The following HSPA4 variants were observed in gnomAD, a reference collection of about 807,000 sequenced individuals.
HSPA4 encodes the protein heat shock protein family A (Hsp70) member 4.
In HSPA4, 25 loss-of-function variants were observed where a neutral mutation model predicts 106.2. The ratio of observed to expected loss-of-function variants is 0.24; its 90% CI spans 0.17 to 0.33. The LOEUF (loss-of-function observed/expected upper bound fraction) is 0.33. Among genes scored for constraint, HSPA4 ranks in the 10% least tolerant of loss-of-function variants. The pLI, the probability that HSPA4 is intolerant of heterozygous loss-of-function variation, is 1.00. For missense variants in HSPA4, 841 were observed against 996.0 expected, an observed-to-expected ratio of 0.84 and a Z score of 2.10; for synonymous variants, 332 against 333.6, an observed-to-expected ratio of 1.00 and a Z score of 0.05.
At chr5:133,069,125 A>T (rs1581468331) in intron 3 of HSPA4, among the ~76,000 whole-genome samples, 2 of 152,228 alleles carry the variant, frequency 1.3e-5, no homozygotes, top group African/African-American at 4.8e-5. Context: ...ATGGGCATGT[A>T]GGATGGGTTG....
At chr5:133,099,478 A>G (rs1581482242) in intron 15 of HSPA4, 67 bp from the exon 16 acceptor site, 3 of 773,068 alleles carry the variant, frequency 3.9e-6, no homozygotes, top group South Asian at 1.7e-5. Context: ...ATTATATTCT[A>G]TGCCTCTGAC....
At chr5:133,089,723 G>GAAAAAAAAAAAAAAAA (rs61130801) in intron 11 of HSPA4, 28 bp downstream of exon 11, 1 of 1,029,622 alleles carries the variant, frequency 9.7e-7, no homozygotes, top group Non-Finnish European at 1.3e-6. Context: ...AATTAAAAAA[G>GAAAAAAAAAAAAAAAA]AAAAAAAAAA....
At chr5:133,100,603 G>A (rs1388404615) in intron 16 of HSPA4, among the ~76,000 whole-genome samples, 1 of 152,084 alleles carries the variant, frequency 6.6e-6, no homozygotes, top group South Asian at 2.1e-4. Flanking sequence ...TCGAGACCAA[G>A]GTGAAACCCT....
Position 133,104,567 on chromosome 5 carries a change from G to C in HSPA4, c.*131G>C. The C allele has an allele frequency of 2.7e-6, 2 of 739,556 alleles. No homozygotes were observed. The highest frequency in any genetic ancestry group is 4.5e-6 in the Non-Finnish European group (2 of 448,600). The allele number at this position is 739,556 out of a possible 1,614,324, so 45.8% of individuals were successfully genotyped here. A position where few individuals can be genotyped will look rare whatever the true frequency, so the allele number is the denominator to read the frequency against. ...GTTTTTAGGGGATTTTCGGGGAGGG[G>C]AAATAGGTAATGTATGGAGCATTTT... On this transcript the variant is annotated 3_prime_UTR_variant, in exon 19 of 19. Transcript: ENST00000304858.
chr5:133,098,853 A>AGTAGAGACG (rs1157687342), intron 15 of HSPA4, among the ~76,000 whole-genome samples: 1 of 150,030 alleles, frequency 6.7e-6, no homozygotes, highest in Non-Finnish European at 1.5e-5. Flanking sequence ...TTGTATTTTT[A>AGTAGAGACG]GTAGAGACGG....
chr5:133,065,888 CCTT>C (rs1765300479), intron 2 of HSPA4, among the ~76,000 whole-genome samples: 1 of 152,168 alleles, frequency 6.6e-6, no homozygotes, highest in East Asian at 1.9e-4. Context: ...GCATGTTTGA[CCTT>C]CTTATGGTTC....
chr5:133,090,331 T>A (rs1446436319), intron 11 of HSPA4, among the ~76,000 whole-genome samples: 1 of 145,468 alleles, frequency 6.9e-6, no homozygotes, highest in Non-Finnish European at 1.5e-5. Context: ...CTTGGGAGGC[T>A]GAGGCAGGAG....
chr5:133,074,134 T>A lies in HSPA4; in HGVS notation c.663+8T>A. On this transcript the variant is annotated splice_region_variant and intron_variant, in intron 6 of 18. Coordinates refer to ENST00000304858, the MANE Select transcript of HSPA4 (RefSeq NM_002154.4). Reference sequence around the variant, plus strand: ...AATAGAGGAAAACTGAAAGTAAGTATATATTTTTTTTCCAGAAGACTGTTA... The same window carrying A: ...AATAGAGGAAAACTGAAAGTAAGTAAATATTTTTTTTCCAGAAGACTGTTA... 2 of 1,570,142 alleles carry A rather than the reference T, an allele frequency of 1.3e-6. No homozygotes were observed. The highest frequency in any genetic ancestry group is 8.6e-7 in the Non-Finnish European group (1 of 1,160,310).
intron 12 of HSPA4, among the ~76,000 whole-genome samples, chr5:133,091,874 AAACAAC>A (rs368898451): frequency 1.3e-5 from 2 of 151,778 alleles, no homozygotes; most frequent in Admixed American, 6.6e-5. Context: ...AAAAAGTTAA[AAACAAC>A]AACAACAACA....
chr5:133,081,233 A>C (rs1765511193), intron 7 of HSPA4, among the ~76,000 whole-genome samples: 1 of 152,146 alleles, frequency 6.6e-6, no homozygotes, highest in Non-Finnish European at 1.5e-5. Context: ...TTTTTAGTAG[A>C]GATGGGGTTT....
At chr5:133,058,468 A>G (rs1765195383) in intron 1 of HSPA4, among the ~76,000 whole-genome samples, 1 of 152,088 alleles carries the variant, frequency 6.6e-6, no homozygotes, top group African/African-American at 2.4e-5. Context: ...GCCTGAAGTC[A>G]GGAGTTTGAG....
chr5:133,106,231 C>G lies in HSPA4; in HGVS notation c.*1795C>G, dbSNP rs974993413. ...AACACGATGATGTGGTCTGCTTGCT[C>G]TCTGCTTAGACAGGCTTTAAGACCA... On this transcript the variant is annotated 3_prime_UTR_variant, in exon 19 of 19. Transcript: ENST00000304858. The G allele has an allele frequency of 8.2e-5, 11 of 134,922 alleles. 1 individual carries two copies. The highest frequency in any genetic ancestry group is 2.6e-4 in the Admixed American group (3 of 11,570). 8.4% of individuals were successfully genotyped at this position (134,922 alleles called of 1,614,324 possible). A position where few individuals can be genotyped will look rare whatever the true frequency, so the allele number is the denominator to read the frequency against.
intron 9 of HSPA4, 53 bp from the exon 10 acceptor site, chr5:133,089,002 A>G: frequency 1.2e-6 from 1 of 829,510 alleles, no homozygotes; most frequent in African/African-American, 1.7e-5. Flanking sequence ...TGATATTATC[A>G]GTTTATATTG....
chr5:133,062,806 T>C (rs1765259910), intron 1 of HSPA4, among the ~76,000 whole-genome samples: 1 of 152,146 alleles, frequency 6.6e-6, no homozygotes, highest in South Asian at 2.1e-4. Flanking sequence ...CCCTGGGAGA[T>C]TGGCTTACAG....
intron 1 of HSPA4, among the ~76,000 whole-genome samples, chr5:133,055,155 A>T (rs1057375260): frequency 6.6e-6 from 1 of 152,182 alleles, no homozygotes; most frequent in Non-Finnish European, 1.5e-5. Context: ...AATTTTCCTT[A>T]CATGTTTTCT....
intron 13 of HSPA4, among the ~76,000 whole-genome samples, chr5:133,093,806 G>A (rs115499909): frequency 0.018 from 2,768 of 152,208 alleles, 94 homozygotes; most frequent in African/African-American, 0.064. Flanking sequence ...TTAATAAAAA[G>A]GCATGGGGCC....
At chr5:133,053,034 CTGTTT>C (rs1327902262) in intron 1 of HSPA4, 2 of 152,278 alleles carry the variant, frequency 1.3e-5, no homozygotes, top group African/African-American at 2.4e-5. Context: ...GGGTCACTCT[CTGTTT>C]TGTGCGCGTT....
chr5:133,065,136 CCTTGGGAAT>C, intron 2 of HSPA4, 99 bp downstream of exon 2: 3 of 964,908 alleles, frequency 3.1e-6, no homozygotes, highest in Non-Finnish European at 4.9e-6. Flanking sequence ...CACTGGTAGG[CCTTGGGAAT>C]ACAACTGGCA....
intron 6 of HSPA4, among the ~76,000 whole-genome samples, 166 bp downstream of exon 6, chr5:133,074,292 T>G (rs572591011): frequency 0.023 from 3,444 of 152,014 alleles, 132 homozygotes; most frequent in African/African-American, 0.075. Flanking sequence ...TCTTTTTTTT[T>G]TTTGAGATAG....
Sources: allele counts gnomAD v4.1 joint callset (sites outside exome capture counted in the v4.1 genomes callset), GRCh38; gene constraint gnomAD v4.1.1; transcripts MANE v1.5; gene names NCBI Gene and HGNC (gene_info 2026-07-23, HGNC 2026-07-21).